NBEA: variants seen among roughly 807,000 people sequenced by gnomAD.
NBEA encodes lysosomal-trafficking regulator 2.
In NBEA, 44 loss-of-function variants were observed where a neutral mutation model predicts 343.4. That is an observed-to-expected ratio of 0.13 (90% CI 0.10 to 0.16). NBEA has a LOEUF of 0.16. Ranked by LOEUF, NBEA falls within the 10% of genes least tolerant of loss-of-function variation. The probability of loss-of-function intolerance (pLI) is 1.00; values close to 1 mark genes in which losing one functional copy is unlikely to be tolerated. For synonymous variants in NBEA, 1,175 were observed against 1,238.7 expected (o/e 0.95, Z 1.08); for missense variants, 2,555 against 3,631.3 (o/e 0.70, Z 7.62).
At chr13:35,224,183 T>G (rs186172677) in intron 33 of NBEA, among the ~76,000 whole-genome samples, 20 of 152,198 alleles carry the variant, frequency 1.3e-4, no homozygotes, top group Non-Finnish European at 2.1e-4. Flanking sequence ...TTAGAACACA[T>G]GTAGACTGAA....
At chr13:34,998,254 CA>C (rs2061004597) in intron 1 of NBEA, among the ~76,000 whole-genome samples, 1 of 152,052 alleles carries the variant, frequency 6.6e-6, no homozygotes, top group South Asian at 2.1e-4. Flanking sequence ...ACCTGCTTCA[CA>C]AGGTAATAAG....
intron 45 of NBEA, among the ~76,000 whole-genome samples, chr13:35,576,302 A>T (rs2080739167): frequency 6.6e-6 from 1 of 151,622 alleles, no homozygotes. Flanking sequence ...TTTTTAGTAG[A>T]GATGGGGTTT....
intron 41 of NBEA, among the ~76,000 whole-genome samples, chr13:35,529,451 C>T (rs976742054): frequency 6.6e-6 from 1 of 152,090 alleles, no homozygotes; most frequent in African/African-American, 2.4e-5. Context: ...AGTGCCAATG[C>T]CAGTAGTTAC....
chr13:35,384,170 T>G (rs1028189273), intron 38 of NBEA, among the ~76,000 whole-genome samples: 1 of 152,190 alleles, frequency 6.6e-6, no homozygotes, highest in Non-Finnish European at 1.5e-5. Context: ...AAGAAAAACA[T>G]GAACAACATG....
At chr13:35,188,595 C>A (rs1455643270) in intron 30 of NBEA, among the ~76,000 whole-genome samples, 1 of 151,998 alleles carries the variant, frequency 6.6e-6, no homozygotes, top group African/African-American at 2.4e-5. Context: ...AATAGTGTTC[C>A]ATTGTGTATA....
At chr13:35,559,683 A>G (rs1222893689) in intron 44 of NBEA, among the ~76,000 whole-genome samples, 1 of 152,130 alleles carries the variant, frequency 6.6e-6, no homozygotes, top group Non-Finnish European at 1.5e-5. Flanking sequence ...TGGGAGGCCG[A>G]GGCAGGTGGA....
chr13:35,196,076 T>C lies in NBEA; in HGVS notation c.5140T>C (p.Ser1714Pro). 6.2e-7 allele frequency: 1 copy of C among 1,613,572 alleles called. No individual in the cohort carries two copies. The highest frequency in any genetic ancestry group is 1.1e-5 in the South Asian group (1 of 91,074). Residue 1714 changes from serine to proline, a missense_variant, in exon 31 of 59, where the codon TCA becomes CCA. Physicochemically the swap from Ser to Pro is moderately conservative, Grantham distance 74. Around this residue, in one of 21 missense-constraint regions of NBEA, gnomAD observed 270 missense variants for 293.3 expected, o/e 0.92. Coordinates refer to ENST00000379939, the MANE Select transcript of NBEA (RefSeq NM_001385012.1). ...CACTTTGTCATCCGAAGTGAAGAAA[T>C]CACAAGAGAGCTTAACTGAAAATCC... ...LSTLSSEVKK[S>P]QESLTENPSE...
intron 35 of NBEA, among the ~76,000 whole-genome samples, chr13:35,306,962 T>G (rs2036930809): frequency 6.6e-6 from 1 of 152,080 alleles, no homozygotes; most frequent in South Asian, 2.1e-4. Context: ...TGTAAATAAT[T>G]CTGAATTTCA....
intron 33 of NBEA, among the ~76,000 whole-genome samples, chr13:35,215,291 C>G (rs1444766151): frequency 6.6e-6 from 1 of 151,476 alleles, no homozygotes; most frequent in Non-Finnish European, 1.5e-5. Flanking sequence ...TCATTGGGAT[C>G]TTTAATTTTT....
At chr13:34,973,544 C>T (rs1156853758) in intron 1 of NBEA, among the ~76,000 whole-genome samples, 2 of 151,602 alleles carry the variant, frequency 1.3e-5, no homozygotes, top group Non-Finnish European at 2.9e-5. Context: ...TGATGAAAAA[C>T]GGATCAGTCT....
intron 53 of NBEA, among the ~76,000 whole-genome samples, chr13:35,652,340 TAAAA>T (rs35238270): frequency 2.2e-5 from 3 of 137,594 alleles, no homozygotes; most frequent in African/African-American, 2.7e-5. Context: ...AACTTAAATT[TAAAA>T]AAAAAAAAAA....
intron 38 of NBEA, among the ~76,000 whole-genome samples, chr13:35,424,903 A>G (rs970898565): frequency 1.3e-5 from 2 of 152,108 alleles, no homozygotes; most frequent in African/African-American, 2.4e-5. Context: ...CGAGGAATTT[A>G]TCCATTTTCT....
intron 18 of NBEA, among the ~76,000 whole-genome samples, chr13:35,147,397 C>T (rs1450545892): frequency 6.6e-6 from 1 of 152,186 alleles, no homozygotes; most frequent in Non-Finnish European, 1.5e-5. Flanking sequence ...GGTACATGCA[C>T]CTGATGAATG....
At position 34,942,796 on chromosome 13, in the gene NBEA, T is replaced by G. The variant is rs1267957970; in HGVS notation, c.-25T>G. The G allele has an allele frequency of 7.5e-7, 1 of 1,331,458 alleles. No homozygotes were observed. The highest frequency in any genetic ancestry group is 9.6e-7 in the Non-Finnish European group (1 of 1,042,166). The allele number at this position is 1,331,458 out of a possible 1,614,324, so 82.5% of individuals were successfully genotyped here. On this transcript the variant is annotated 5_prime_UTR_variant, in exon 1 of 59. Transcript: ENST00000379939. ...CCGGCGGCGGCAGCGCCGCTGCTCT[T>G]CCCTTCTCCTCAGGAGGGGGGCCAA...
intron 10 of NBEA, among the ~76,000 whole-genome samples, chr13:35,088,821 T>C (rs1264737549): frequency 3.4e-5 from 5 of 148,476 alleles, no homozygotes; most frequent in African/African-American, 1.2e-4. Context: ...GGATTCCCTA[T>C]TTAATAAATG....
At chr13:35,611,402 C>T (rs2082516736) in intron 48 of NBEA, among the ~76,000 whole-genome samples, 1 of 152,156 alleles carries the variant, frequency 6.6e-6, no homozygotes, top group African/African-American at 2.4e-5. Context: ...CACTTTCTTG[C>T]TGTCACTTGG....
chr13:35,446,803 A>G (rs1197599924), intron 39 of NBEA, among the ~76,000 whole-genome samples: 1 of 152,066 alleles, frequency 6.6e-6, no homozygotes, highest in Admixed American at 6.6e-5. Flanking sequence ...ATACACATAT[A>G]TACCTATATA....
At chr13:35,046,541 C>T (rs1281134324) in intron 4 of NBEA, among the ~76,000 whole-genome samples, 3 of 152,054 alleles carry the variant, frequency 2.0e-5, no homozygotes, top group East Asian at 1.9e-4. Flanking sequence ...CCTGAAACTG[C>T]GGATGGTACT....
intron 18 of NBEA, among the ~76,000 whole-genome samples, chr13:35,154,661 G>A (rs1321946937): frequency 6.6e-6 from 1 of 152,166 alleles, no homozygotes. Context: ...TGAAGATGAT[G>A]TTCAAAATCC....
Sources: allele counts gnomAD v4.1 joint callset (sites outside exome capture counted in the v4.1 genomes callset), GRCh38; gene constraint gnomAD v4.1.1; regional missense constraint gnomAD v4.1.1; transcripts MANE v1.5; gene names NCBI Gene and HGNC (gene_info 2026-07-23, HGNC 2026-07-21).